Variants in ATP7B observed in about 807,000 individuals in gnomAD.
ATP7B encodes the protein copper-transporting ATPase 2.
Under a neutral mutation model 118.9 loss-of-function variants are expected in ATP7B, and 113 were observed. The observed-to-expected ratio is 0.95, with a 90% confidence interval of 0.82 to 1.11. The LOEUF (loss-of-function observed/expected upper bound fraction) is 1.11. Ranked by LOEUF, ATP7B falls within the 50% of genes most tolerant of loss-of-function variation. The pLI is 0.00. For missense variants in ATP7B, 1,867 were observed against 1,871.4 expected (o/e 1.00, Z 0.04); for synonymous variants, 777 against 727.4 (o/e 1.07, Z -1.10).
intron 1 of ATP7B, among the ~76,000 whole-genome samples, chr13:51,986,780 AC>A (rs1230262687): frequency 6.6e-6 from 1 of 152,178 alleles, no homozygotes; most frequent in Non-Finnish European, 1.5e-5. Context: ...ATATCAATAA[AC>A]GAAATCCATC....
chr13:51,971,529 CACT>C (rs1180560143), intron 2 of ATP7B, among the ~76,000 whole-genome samples: 1 of 152,138 alleles, frequency 6.6e-6, no homozygotes, highest in African/African-American at 2.4e-5. Context: ...TTCTTTTTAC[CACT>C]AATAACCTGA....
chr13:51,952,324 C>A (rs1958059918), intron 9 of ATP7B, among the ~76,000 whole-genome samples: 1 of 152,234 alleles, frequency 6.6e-6, no homozygotes, highest in South Asian at 2.1e-4. Flanking sequence ...AATACTGGCT[C>A]ATGAGCTAAT....
intron 9 of ATP7B, 136 bp from the exon 10 acceptor site, chr13:51,950,535 G>T (rs1017977690): frequency 7.5e-7 from 1 of 1,334,434 alleles, no homozygotes; most frequent in Non-Finnish European, 1.0e-6. Context: ...TTCATTTACA[G>T]ATATTTATCG....
intron 13 of ATP7B, 100 bp from the exon 14 acceptor site, chr13:51,944,391 G>T (rs1957527139): frequency 7.0e-7 from 1 of 1,430,160 alleles, no homozygotes. Flanking sequence ...CCTCAGACAG[G>T]AAACAAGACA....
At chr13:51,995,958 T>C (rs1381758567) in intron 1 of ATP7B, among the ~76,000 whole-genome samples, 1 of 152,100 alleles carries the variant, frequency 6.6e-6, no homozygotes, top group Non-Finnish European at 1.5e-5. Flanking sequence ...CTTTTGGCCA[T>C]GTGCACTCCT....
chr13:51,943,283 C>T (rs866971864), intron 14 of ATP7B, among the ~76,000 whole-genome samples: 4 of 152,118 alleles, frequency 2.6e-5, no homozygotes, highest in East Asian at 1.9e-4. Context: ...CCCTTCTAAG[C>T]GGTTTTCCAG....
At chr13:51,986,868 C>A (rs1217138629) in intron 1 of ATP7B, among the ~76,000 whole-genome samples, 1 of 152,106 alleles carries the variant, frequency 6.6e-6, no homozygotes, top group African/African-American at 2.4e-5. Flanking sequence ...AAATTCAACA[C>A]CCCTTCATGC....
intron 1 of ATP7B, among the ~76,000 whole-genome samples, chr13:51,983,660 G>GA (rs1443881396): frequency 5.3e-5 from 4 of 74,998 alleles, no homozygotes. Flanking sequence ...CCATACAAGA[G>GA]AGTCTGGCTG....
chr13:51,997,829 T>C (rs1953286628), intron 1 of ATP7B, among the ~76,000 whole-genome samples: 2 of 152,130 alleles, frequency 1.3e-5, no homozygotes, highest in African/African-American at 4.8e-5. Flanking sequence ...GACAATGCCA[T>C]TTCCAGTTTC....
Position 52,011,323 on chromosome 13 carries a change from C to T in ATP7B, c.15G>A (p.Glu5=), listed in dbSNP as rs751634415. MPEQ[E]RQITAREGAS... Reference sequence around the variant, plus strand: ...CCCCTTCTCTGGCTGTGATCTGTCTCTCCTGCTCAGGCATCGTCCCGCACG... The same window carrying T: ...CCCCTTCTCTGGCTGTGATCTGTCTTTCCTGCTCAGGCATCGTCCCGCACG... The change falls in exon 1 of 21, where the codon GAG becomes GAA. Residue 5 remains glutamate, a synonymous_variant. Transcript: ENST00000242839. 5 of 1,614,238 alleles carry T rather than the reference C, an allele frequency of 3.1e-6. No homozygotes were observed. The highest frequency in any genetic ancestry group is 3.3e-5 in the Admixed American group (2 of 60,030).
Position 51,960,320 on chromosome 13 carries a change from C to T in ATP7B, c.1949G>A (p.Trp650Ter), listed in dbSNP as rs375542827. The stretch of plus-strand genomic sequence containing the variant: ...CAGGCTGCACAGGAAAGACTTCTTC[C>T]ACCTGGAAAGCAAATGCAGCAACAC... The part of the protein sequence containing the change: ...HLDHKMEIKQ[W>*]KKSFLCSLVF... Residue 650 changes from tryptophan to a stop codon, truncating the protein, a stop_gained and splice_region_variant, in exon 7 of 21, where the codon TGG (tryptophan) becomes TAG (stop). Coordinates refer to ENST00000242839, the MANE Select transcript of ATP7B (RefSeq NM_000053.4). LOFTEE classifies it high-confidence loss of function. 2.5e-6 allele frequency: 4 copies of T among 1,613,026 alleles called. No individual in the cohort carries two copies. The highest frequency in any genetic ancestry group is 2.2e-5 in the East Asian group (1 of 44,866).
At chr13:52,008,461 T>C (rs1387810190) in intron 1 of ATP7B, among the ~76,000 whole-genome samples, 1 of 152,088 alleles carries the variant, frequency 6.6e-6, no homozygotes, top group Non-Finnish European at 1.5e-5. Flanking sequence ...AACATTCGAA[T>C]CCCCTAATCA....
intron 5 of ATP7B, among the ~76,000 whole-genome samples, chr13:51,963,856 G>A (rs1376846663): frequency 6.6e-6 from 1 of 150,608 alleles, no homozygotes. Flanking sequence ...GTTTGAGACC[G>A]GCCTGGCCAA....
intron 1 of ATP7B, 66 bp downstream of exon 1, chr13:52,011,221 C>A: frequency 1.2e-6 from 2 of 1,613,198 alleles, no homozygotes; most frequent in East Asian, 4.5e-5. Flanking sequence ...AAGCGCCGAA[C>A]GCGGGGAGGA....
At chr13:51,941,049 G>C (rs1265487343) in intron 16 of ATP7B, 32 bp downstream of exon 16, 2 of 1,613,512 alleles carry the variant, frequency 1.2e-6, no homozygotes, top group Non-Finnish European at 1.7e-6. Flanking sequence ...GTATTTCTGA[G>C]AGAGCGGAAG....
At chr13:51,946,638 ACAC>A (rs1957682053) in intron 12 of ATP7B, 160 bp from the exon 13 acceptor site, 1 of 790,016 alleles carries the variant, frequency 1.3e-6, no homozygotes, top group African/African-American at 1.7e-5. Context: ...ATCATAGAGA[ACAC>A]GTTACTGCTC....
chr13:51,960,449 G>A, intron 6 of ATP7B, 127 bp from the exon 7 acceptor site: 1 of 1,193,094 alleles, frequency 8.4e-7, no homozygotes. Context: ...GACCACCAGG[G>A]GTTAAAATGA....
chr13:51,957,313 C>T (rs546785897), intron 9 of ATP7B, among the ~76,000 whole-genome samples: 2 of 152,304 alleles, frequency 1.3e-5, no homozygotes, highest in East Asian at 3.9e-4. Context: ...TGTGCCATTT[C>T]GCACACACAC....
chr13:52,001,514 G>A (rs1953490505), intron 1 of ATP7B, among the ~76,000 whole-genome samples: 1 of 152,082 alleles, frequency 6.6e-6, no homozygotes, highest in Non-Finnish European at 1.5e-5. Context: ...CTCCGGAACT[G>A]TCTACTAGCT....
Sources: gnomAD v4.1 joint callset for allele counts (sites outside exome capture counted in the v4.1 genomes callset) on GRCh38, gnomAD v4.1.1 for gene constraint, MANE v1.5 for transcripts, NCBI Gene and HGNC (gene_info 2026-07-23, HGNC 2026-07-21) for gene names.